FOXP1: variants seen among roughly 807,000 people sequenced by gnomAD.
The protein encoded by FOXP1 is forkhead box protein P1.
Under a neutral mutation model 98.2 loss-of-function variants are expected in FOXP1, and 15 were observed. That is an observed-to-expected ratio of 0.15 (90% CI 0.10 to 0.24). FOXP1 has a LOEUF of 0.24. Among genes scored for constraint, FOXP1 ranks in the 10% least tolerant of loss-of-function variants. The probability of loss-of-function intolerance (pLI) is 1.00; values close to 1 mark genes in which losing one functional copy is unlikely to be tolerated. For synonymous variants in FOXP1, 371 were observed against 314.5 expected (o/e 1.18, Z -1.90); for missense variants, 633 against 848.5 (o/e 0.75, Z 3.15).
intron 5 of FOXP1, among the ~76,000 whole-genome samples, chr3:71,234,133 C>T (rs778288088): frequency 3.3e-5 from 5 of 149,476 alleles, no homozygotes; most frequent in South Asian, 4.3e-4. Context: ...TCATTAAAAT[C>T]GCTTTTACAT....
At chr3:71,274,628 A>C (rs2070713399) in intron 5 of FOXP1, among the ~76,000 whole-genome samples, 1 of 152,244 alleles carries the variant, frequency 6.6e-6, no homozygotes, top group African/African-American at 2.4e-5. Context: ...GCAACTAAAA[A>C]AGTATTTTCG....
chr3:70,958,785 A>T lies in FOXP1; in HGVS notation c.*462T>A, dbSNP rs1313359435. On this transcript the variant is annotated 3_prime_UTR_variant, in exon 21 of 21. Coordinates refer to ENST00000649528, the MANE Select transcript of FOXP1 (RefSeq NM_001349338.3). ...AAAAAAAAGGAGTAAAGGCAGTGATAATCAACATGCAGTACTGTGCAAATA... is the reference window on the plus strand; with the variant it reads ...AAAAAAAAGGAGTAAAGGCAGTGATTATCAACATGCAGTACTGTGCAAATA... The T allele has an allele frequency of 4.2e-6, 1 of 235,882 alleles. No homozygotes were observed. The highest frequency in any genetic ancestry group is 8.3e-6 in the Non-Finnish European group (1 of 120,418). The allele number at this position is 235,882 out of a possible 1,614,324, so 14.6% of individuals were successfully genotyped here. A position where few individuals can be genotyped will look rare whatever the true frequency, so the allele number is the denominator to read the frequency against.
At chr3:71,376,055 T>C (rs1253250116) in intron 3 of FOXP1, among the ~76,000 whole-genome samples, 1 of 152,080 alleles carries the variant, frequency 6.6e-6, no homozygotes, top group Non-Finnish European at 1.5e-5. Context: ...CCAAGGAAGG[T>C]CAATACTGTT....
intron 7 of FOXP1, among the ~76,000 whole-genome samples, chr3:71,094,105 C>G (rs937067836): frequency 1.3e-5 from 2 of 152,072 alleles, no homozygotes; most frequent in African/African-American, 4.8e-5. Flanking sequence ...CTATAAAAGG[C>G]CAGAGAATAA....
chr3:71,335,924 G>C (rs559735090), intron 4 of FOXP1, among the ~76,000 whole-genome samples: 1 of 150,140 alleles, frequency 6.7e-6, no homozygotes, highest in Non-Finnish European at 1.5e-5. Flanking sequence ...AGACTCAGGC[G>C]GGGGTGGAGG....
intron 7 of FOXP1, among the ~76,000 whole-genome samples, chr3:71,088,802 G>C (rs542270868): frequency 1.3e-5 from 2 of 152,152 alleles, no homozygotes; most frequent in African/African-American, 4.8e-5. Context: ...AGGGGGAAAC[G>C]CTGGAGGAAA....
intron 4 of FOXP1, among the ~76,000 whole-genome samples, chr3:71,325,688 T>C (rs1315198212): frequency 6.6e-6 from 1 of 151,324 alleles, no homozygotes; most frequent in East Asian, 1.9e-4. Flanking sequence ...ATTATCACTA[T>C]TTTAGAGGTG....
In FOXP1 at chr3:71,053,786, T is replaced by C; in HGVS notation, c.283-13A>G. The C allele has an allele frequency of 4.3e-6, 7 of 1,613,928 alleles. No homozygotes were observed. Among genetic ancestry groups the C allele is most frequent in the Non-Finnish European group, 5.9e-6 (7 of 1,179,914 alleles). ...CTGACACGGGAACCTAGAATGTTAATGAAGGATAAATAGGAAGCCAGGAAA... is the reference window on the plus strand; with the variant it reads ...CTGACACGGGAACCTAGAATGTTAACGAAGGATAAATAGGAAGCCAGGAAA... On this transcript the variant is annotated splice_polypyrimidine_tract_variant and intron_variant, in intron 7 of 20. Transcript: ENST00000649528.
intron 3 of FOXP1, among the ~76,000 whole-genome samples, chr3:71,400,280 T>C (rs1186445363): frequency 3.3e-5 from 5 of 152,224 alleles, no homozygotes; most frequent in African/African-American, 9.6e-5. Flanking sequence ...AAATTTTTCA[T>C]GGACTTAATC....
intron 2 of FOXP1, among the ~76,000 whole-genome samples, chr3:71,499,371 G>A (rs2041159156): frequency 1.3e-5 from 2 of 152,096 alleles, no homozygotes; most frequent in Admixed American, 1.3e-4. Context: ...ATCTCCCTTG[G>A]TTTGAGAATG....
intron 7 of FOXP1, among the ~76,000 whole-genome samples, chr3:71,102,427 C>A: frequency 6.6e-6 from 1 of 152,156 alleles, no homozygotes; most frequent in Admixed American, 6.5e-5. Context: ...AACAAAGGCC[C>A]AAGCAATACA....
intron 3 of FOXP1, among the ~76,000 whole-genome samples, chr3:71,375,107 A>G (rs60609518): frequency 0.059 from 8,925 of 152,290 alleles, 764 homozygotes; most frequent in African/African-American, 0.19. Flanking sequence ...GAACTGCTGT[A>G]AGACTAAGGA....
intron 14 of FOXP1, among the ~76,000 whole-genome samples, chr3:70,983,045 T>C (rs544910060): frequency 6.6e-6 from 1 of 152,250 alleles, no homozygotes; most frequent in Non-Finnish European, 1.5e-5. Context: ...TTTCTGGGCA[T>C]GAATCACTGA....
intron 5 of FOXP1, among the ~76,000 whole-genome samples, chr3:71,248,119 T>C (rs2067894432): frequency 6.6e-6 from 1 of 152,184 alleles, no homozygotes; most frequent in Non-Finnish European, 1.5e-5. Flanking sequence ...AATTCCCTTA[T>C]TTGCTTAGCC....
intron 6 of FOXP1, among the ~76,000 whole-genome samples, chr3:71,139,753 A>C (rs1478454056): frequency 2.6e-5 from 4 of 152,176 alleles, no homozygotes; most frequent in Non-Finnish European, 5.9e-5. Context: ...AGGGCTGGGC[A>C]CAGGCAAGCC....
intron 4 of FOXP1, among the ~76,000 whole-genome samples, chr3:71,341,992 C>T (rs968003661): frequency 4.6e-5 from 7 of 152,114 alleles, no homozygotes; most frequent in African/African-American, 1.7e-4. Flanking sequence ...GCCAAAAATA[C>T]AGCTTTAAAA....
intron 3 of FOXP1, among the ~76,000 whole-genome samples, chr3:71,447,388 T>G (rs1225611902): frequency 1.3e-5 from 2 of 152,202 alleles, no homozygotes; most frequent in Non-Finnish European, 2.9e-5. Flanking sequence ...GGGAGGAACC[T>G]GCCAATCTGG....
chr3:70,987,608 G>A (rs1429664309), intron 14 of FOXP1, among the ~76,000 whole-genome samples: 1 of 152,164 alleles, frequency 6.6e-6, no homozygotes, highest in East Asian at 1.9e-4. Context: ...GCTTACCCGA[G>A]CTGAAATGCC....
intron 3 of FOXP1, among the ~76,000 whole-genome samples, chr3:71,455,871 G>A (rs748082944): frequency 3.3e-5 from 5 of 152,130 alleles, no homozygotes; most frequent in African/African-American, 4.8e-5. Context: ...GCAGATCTGC[G>A]GGAATATGCA....
Sources: allele counts gnomAD v4.1 joint callset (sites outside exome capture counted in the v4.1 genomes callset), GRCh38; gene constraint gnomAD v4.1.1; transcripts MANE v1.5; gene names NCBI Gene and HGNC (gene_info 2026-07-23, HGNC 2026-07-21).